RGPD8: variants seen among roughly 807,000 people sequenced by gnomAD.
The protein encoded by RGPD8 is RANBP2 like and GRIP domain containing 8, also known as RANBP2-like and GRIP domain-containing protein 8.
A neutral mutation model predicts 89.1 loss-of-function variants in RGPD8; 15 were observed. That is an observed-to-expected ratio of 0.17 (90% CI 0.11 to 0.26). The LOEUF is 0.26. Among genes scored for constraint, RGPD8 ranks in the 10% least tolerant of loss-of-function variants. The probability of loss-of-function intolerance (pLI) is 1.00; values close to 1 mark genes in which losing one functional copy is unlikely to be tolerated. For synonymous variants in RGPD8, 62 were observed against 420.9 expected, an observed-to-expected ratio of 0.15 and a Z score of 10.44; for missense variants, 178 against 1,179.6, an observed-to-expected ratio of 0.15 and a Z score of 12.44.
intron 7 of RGPD8, among the ~76,000 whole-genome samples, chr2:112,411,013 A>T (rs1241711992): frequency 6.6e-6 from 1 of 152,088 alleles, no homozygotes; most frequent in Non-Finnish European, 1.5e-5. Flanking sequence ...TGAACCCGGG[A>T]GGCAGAGGTT....
chr2:112,413,112 A>G (rs2104811062), intron 6 of RGPD8, among the ~76,000 whole-genome samples: 1 of 138,592 alleles, frequency 7.2e-6, no homozygotes, highest in Admixed American at 7.0e-5. Context: ...ACAGCGTTAA[A>G]TAAATTGTCT....
intron 2 of RGPD8, among the ~76,000 whole-genome samples, chr2:112,423,841 T>C (rs1679644450): frequency 6.6e-6 from 1 of 152,256 alleles, no homozygotes; most frequent in South Asian, 2.1e-4. Flanking sequence ...TTAAAGATCT[T>C]TTATACAAGC....
At chr2:112,413,285 T>TA (rs1393891856) in intron 6 of RGPD8, among the ~76,000 whole-genome samples, 1 of 125,654 alleles carries the variant, frequency 8.0e-6, no homozygotes, top group Non-Finnish European at 1.6e-5. Flanking sequence ...CATGCCCCGC[T>TA]AAACTTTTTT....
chr2:112,433,475 G>C lies in RGPD8; in HGVS notation c.-22C>G, dbSNP rs1156298793. ...TCATCGCGCCGCCAACCTGGCTCCC[G>C]AGACGCGTGCGAGCACCGCTCAGCC... On this transcript the variant is annotated 5_prime_UTR_variant, in exon 1 of 23. Coordinates refer to ENST00000302558, the MANE Select transcript of RGPD8 (RefSeq NM_001164463.1). The C allele has an allele frequency of 3.7e-6, 6 of 1,603,638 alleles. No individual in the cohort carries two copies. The highest frequency in any genetic ancestry group is 5.1e-6 in the Non-Finnish European group (6 of 1,176,226).
At chr2:112,374,814 T>C (rs1678069570) in intron 22 of RGPD8, among the ~76,000 whole-genome samples, 2 of 145,604 alleles carry the variant, frequency 1.4e-5, no homozygotes, top group Admixed American at 1.4e-4. Context: ...TCTCCCATGC[T>C]GAATTCTGTG....
intron 1 of RGPD8, among the ~76,000 whole-genome samples, chr2:112,429,614 T>C (rs1679935754): frequency 6.6e-6 from 1 of 151,874 alleles, no homozygotes; most frequent in Non-Finnish European, 1.5e-5. Flanking sequence ...AGGAGGATCA[T>C]TTACGCCCAA....
intron 3 of RGPD8, 125 bp from the exon 4 acceptor site, chr2:112,422,237 A>G (rs1679584907): frequency 1.3e-5 from 2 of 157,414 alleles, no homozygotes; most frequent in African/African-American, 3.3e-5. Context: ...ACTTCTAGAG[A>G]AAACATGTTA....
At chr2:112,422,463 A>C (rs1356709446) in intron 3 of RGPD8, 85 bp downstream of exon 3, 1 of 1,554,798 alleles carries the variant, frequency 6.4e-7, no homozygotes, top group East Asian at 2.3e-5. Flanking sequence ...GATATTTATA[A>C]AATATATTTG....
intron 6 of RGPD8, among the ~76,000 whole-genome samples, chr2:112,415,380 C>G (rs1679354303): frequency 6.6e-6 from 1 of 151,606 alleles, no homozygotes. Context: ...CCATCTGTCA[C>G]CCACAGCCCT....
chr2:112,433,315 CG>C lies in RGPD8; in HGVS notation c.72+66del, dbSNP rs1474859235. Reference sequence around the variant, plus strand: ...ACCCCTGACCCATCGAGGCCGCCGCCGGGCCGGGTCGAGGCCGCCGCCGCCC... The same window carrying C: ...ACCCCTGACCCATCGAGGCCGCCGCCGGCCGGGTCGAGGCCGCCGCCGCCC... On this transcript the variant is annotated intron_variant, in intron 1 of 22. Transcript: ENST00000302558. 4.2e-4 allele frequency: 634 copies of C among 1,514,088 alleles called. 3 individuals are homozygous for C. The highest frequency in any genetic ancestry group is 7.2e-4 in the Middle Eastern group (3 of 4,172). 93.8% of individuals were successfully genotyped at this position (1,514,088 alleles called of 1,614,324 possible).
chr2:112,379,108 C>A (rs1321010360), intron 21 of RGPD8, among the ~76,000 whole-genome samples: 1 of 143,946 alleles, frequency 6.9e-6, no homozygotes, highest in Non-Finnish European at 1.5e-5. Flanking sequence ...AGGCAAAGAA[C>A]AATATAAAAA....
At chr2:112,414,087 T>C (rs1218870442) in intron 6 of RGPD8, among the ~76,000 whole-genome samples, 2 of 147,614 alleles carry the variant, frequency 1.4e-5, no homozygotes, top group Non-Finnish European at 2.9e-5. Context: ...TATGTTCTAT[T>C]AAGCGAGACA....
chr2:112,414,504 A>G (rs1300074309), intron 6 of RGPD8, among the ~76,000 whole-genome samples: 1 of 119,904 alleles, frequency 8.3e-6, no homozygotes, highest in Non-Finnish European at 1.7e-5. Context: ...AGCTATTATT[A>G]TTAACACACA....
intron 22 of RGPD8, among the ~76,000 whole-genome samples, chr2:112,374,368 TG>T (rs1446528263): frequency 3.3e-5 from 5 of 152,194 alleles, no homozygotes; most frequent in African/African-American, 1.2e-4. Context: ...ATTTTCTTTT[TG>T]CTTGAAGTAC....
intron 2 of RGPD8, among the ~76,000 whole-genome samples, chr2:112,423,751 T>C (rs1394810926): frequency 2.0e-5 from 3 of 151,910 alleles, no homozygotes; most frequent in African/African-American, 7.3e-5. Flanking sequence ...CCTGCTTTAA[T>C]CCACTCCCAG....
chr2:112,429,631 G>C lies in RGPD8; in HGVS notation c.72+3751C>G, dbSNP rs185854749. 2.0e-4 allele frequency among the ~76,000 whole-genome samples: 30 copies of C among 152,000 alleles called. No individual in the cohort carries two copies. In the East Asian group the frequency reaches 5.8e-3, roughly 29 times the overall value. ...GAGGATCATTTACGCCCAAAAATTTGATGAGCAACACAGCAAGACCCTATT... is the reference window on the plus strand; with the variant it reads ...GAGGATCATTTACGCCCAAAAATTTCATGAGCAACACAGCAAGACCCTATT... On this transcript the variant is annotated intron_variant, in intron 1 of 22. Coordinates refer to ENST00000302558, the MANE Select transcript of RGPD8 (RefSeq NM_001164463.1).
chr2:112,413,184 G>A (rs1273838291), intron 6 of RGPD8, among the ~76,000 whole-genome samples: 2 of 142,718 alleles, frequency 1.4e-5, no homozygotes, highest in Admixed American at 6.8e-5. Flanking sequence ...GCAATGGCAC[G>A]ATCTAAGCTC....
At chr2:112,373,489 C>T (rs528175771) in intron 22 of RGPD8, among the ~76,000 whole-genome samples, 307 of 150,270 alleles carry the variant, frequency 2.0e-3, no homozygotes, top group African/African-American at 7.4e-3. Context: ...GAAAGGAAAA[C>T]TATTCCTCAT....
chr2:112,410,476 G>A (rs1190402016), intron 7 of RGPD8, among the ~76,000 whole-genome samples: 1 of 151,608 alleles, frequency 6.6e-6, no homozygotes, highest in Non-Finnish European at 1.5e-5. Context: ...TCTATCAACG[G>A]TGTTTTTAAA....
Sources: allele counts gnomAD v4.1 joint callset (sites outside exome capture counted in the v4.1 genomes callset), GRCh38; gene constraint gnomAD v4.1.1; transcripts MANE v1.5; gene names NCBI Gene and HGNC (gene_info 2026-07-23, HGNC 2026-07-21).